TRANK1: variants seen among roughly 807,000 people sequenced by gnomAD.
The protein encoded by TRANK1 is tetratricopeptide repeat and ankyrin repeat containing 1, also known as TPR and ankyrin repeat-containing protein 1.
Under a neutral mutation model 266.0 loss-of-function variants are expected in TRANK1, and 198 were observed. The ratio of observed to expected loss-of-function variants is 0.74; its 90% CI spans 0.66 to 0.84. TRANK1 has a LOEUF of 0.84. Among genes scored for constraint, TRANK1 ranks in the 40% least tolerant of loss-of-function variants. The pLI, the probability that TRANK1 is intolerant of heterozygous loss-of-function variation, is 0.00. For missense variants in TRANK1, 3,326 were observed against 3,634.6 expected, an observed-to-expected ratio of 0.92 and a Z score of 2.18; for synonymous variants, 1,396 against 1,384.1, an observed-to-expected ratio of 1.01 and a Z score of -0.19.
chr3:36,831,837 C>A lies in TRANK1; in HGVS notation c.7746G>T (p.Lys2582Asn). The A allele has an allele frequency of 6.2e-7, 1 of 1,614,010 alleles. No individual in the cohort carries two copies. Among genetic ancestry groups the A allele is most frequent in the Non-Finnish European group, 8.5e-7 (1 of 1,179,892 alleles). The part of the protein sequence containing the change: ...NAEEILQPYC[K>N]PLLYRHFREI... ...CCCGGAAGTGGCGATACAGGAGAGG[C>A]TTGCAGTATGGCTGCAGGATCTCCT... Residue 2582 changes from lysine to asparagine, a missense_variant, in exon 22 of 24, where the codon AAG becomes AAT. By Grantham distance (94) the Lys-to-Asn change is moderately conservative. Coordinates refer to ENST00000645898, the MANE Select transcript of TRANK1 (RefSeq NM_001329998.2). This position sits in a 1 kb window ranked among gnomAD's most constrained non-coding sequence, Gnocchi z 5.0.
intron 22 of TRANK1, among the ~76,000 whole-genome samples, chr3:36,830,152 T>C (rs2078674608): frequency 1.3e-5 from 2 of 151,986 alleles, no homozygotes; most frequent in South Asian, 4.2e-4. Flanking sequence ...ACATCTTTAC[T>C]AAAAATACAA....
intron 9 of TRANK1, among the ~76,000 whole-genome samples, chr3:36,865,796 G>A (rs530097233): frequency 6.6e-6 from 1 of 152,164 alleles, no homozygotes; most frequent in Admixed American, 6.5e-5. Flanking sequence ...AGGTGTAATG[G>A]CACATGCCTG....
chr3:36,849,889 A>G lies in TRANK1; in HGVS notation c.4887+1830T>C, dbSNP rs183975175. 14 of 408,020 alleles carry G rather than the reference A, an allele frequency of 3.4e-5. No individual in the cohort carries two copies. The Admixed American group carries it at 8.3e-4, about 24-fold the overall frequency. 25.3% of individuals were successfully genotyped at this position (408,020 alleles called of 1,614,324 possible). ...TTTTCCAAAGTCTTACTGTGTACAC[A>G]GGATGAAGTGGATGTTTACAAAAGA... is the stretch of plus-strand genomic sequence containing the variant. On this transcript the variant is annotated intron_variant, in intron 15 of 23. Coordinates refer to ENST00000645898, the MANE Select transcript of TRANK1 (RefSeq NM_001329998.2).
At chr3:36,885,641 C>T (rs2079592177) in intron 8 of TRANK1, among the ~76,000 whole-genome samples, 1 of 152,210 alleles carries the variant, frequency 6.6e-6, no homozygotes, top group Non-Finnish European at 1.5e-5. Context: ...CTCAAGCCAT[C>T]CTCCCATCTC....
intron 1 of TRANK1, among the ~76,000 whole-genome samples, chr3:36,922,069 C>T (rs546664936): frequency 6.6e-6 from 1 of 152,192 alleles, no homozygotes; most frequent in Non-Finnish European, 1.5e-5. Flanking sequence ...TCACTTGAGC[C>T]CTGAAGGTCA....
rs138424530 is a variant in TRANK1 at position 36,941,339 on chromosome 3, C to G, written c.23+3448G>C. On this transcript the variant is annotated intron_variant, in intron 1 of 23. Transcript: ENST00000645898. The stretch of plus-strand genomic sequence containing the variant: ...AGTTGGCTTGGCTCCAAAAGACACA[C>G]AGGGAGTCCCACCAGCCCACCAGGC... Among the ~76,000 whole-genome samples the G allele has an allele frequency of 1.2e-3, 176 of 152,286 alleles. 1 individual carries two copies. The highest frequency in any genetic ancestry group is 3.8e-3 in the African/African-American group (160 of 41,586).
intron 1 of TRANK1, among the ~76,000 whole-genome samples, chr3:36,925,345 G>A (rs2080273133): frequency 6.6e-6 from 1 of 152,106 alleles, no homozygotes. Context: ...CTGCACCATA[G>A]GGTTAAGTAG....
At chr3:36,934,182 C>G (rs574953187) in intron 1 of TRANK1, among the ~76,000 whole-genome samples, 1 of 152,222 alleles carries the variant, frequency 6.6e-6, no homozygotes, top group Non-Finnish European at 1.5e-5. Context: ...CTGGGAGTTT[C>G]TTAACTAGAA....
chr3:36,890,870 T>A (rs923470094), intron 7 of TRANK1, among the ~76,000 whole-genome samples: 3 of 152,280 alleles, frequency 2.0e-5, no homozygotes, highest in Non-Finnish European at 4.4e-5. Context: ...TGATACCACC[T>A]ATAATCACAG....
chr3:36,893,506 G>A (rs549223334), intron 5 of TRANK1, among the ~76,000 whole-genome samples: 1 of 152,224 alleles, frequency 6.6e-6, no homozygotes, highest in African/African-American at 2.4e-5. Flanking sequence ...AGTCTTGTAT[G>A]TCATATTAGT....
At chr3:36,847,847 C>T (rs1252091888) in intron 15 of TRANK1, among the ~76,000 whole-genome samples, 1 of 152,180 alleles carries the variant, frequency 6.6e-6, no homozygotes, top group Non-Finnish European at 1.5e-5. Flanking sequence ...TCAGTTCTTC[C>T]ATTTATTAAT....
At chr3:36,891,786 T>C (rs1395841306) in intron 7 of TRANK1, among the ~76,000 whole-genome samples, 1 of 152,230 alleles carries the variant, frequency 6.6e-6, no homozygotes, top group Non-Finnish European at 1.5e-5. Flanking sequence ...CAAGGGACTA[T>C]GTTCTGTGTC....
intron 1 of TRANK1, among the ~76,000 whole-genome samples, chr3:36,931,862 T>A (rs756206809): frequency 1.3e-5 from 2 of 152,260 alleles, no homozygotes; most frequent in Middle Eastern, 6.8e-3. Context: ...TACAGTGAGC[T>A]ATGATTGCAC....
intron 13 of TRANK1, 96 bp from the exon 14 acceptor site, chr3:36,852,441 G>T (rs2078997177): frequency 2.5e-6 from 3 of 1,181,192 alleles, no homozygotes; most frequent in Admixed American, 2.8e-5. Flanking sequence ...TGAGAAGCAG[G>T]TTTGGCCCCT....
intron 9 of TRANK1, among the ~76,000 whole-genome samples, chr3:36,865,950 GAGAGAGAC>G (rs1358720927): frequency 2.0e-5 from 3 of 150,518 alleles, no homozygotes; most frequent in East Asian, 3.9e-4. Context: ...AAGAGAGAGA[GAGAGAGAC>G]AGAGAGAGAC....
intron 6 of TRANK1, 112 bp from the exon 7 acceptor site, chr3:36,892,452 C>T: frequency 1.5e-6 from 2 of 1,302,692 alleles, no homozygotes; most frequent in Non-Finnish European, 2.1e-6. Context: ...TAGCTGTGGT[C>T]CAAGCCTAGG....
chr3:36,904,074 G>C (rs1186489617), intron 2 of TRANK1, among the ~76,000 whole-genome samples: 1 of 151,882 alleles, frequency 6.6e-6, no homozygotes, highest in Non-Finnish European at 1.5e-5. Flanking sequence ...TTCTGCCTCA[G>C]CCTCCCGAGT....
chr3:36,830,077 C>T (rs1575171652), intron 22 of TRANK1, among the ~76,000 whole-genome samples: 1 of 152,150 alleles, frequency 6.6e-6, no homozygotes, highest in African/African-American at 2.4e-5. Flanking sequence ...CACCTTGGGA[C>T]ACCAAGGCAG....
At chr3:36,880,093 T>TATATAAACATGC (rs1559449985) in intron 8 of TRANK1, 3 of 116,536 alleles carry the variant, frequency 2.6e-5, no homozygotes, top group Non-Finnish European at 3.6e-5. Flanking sequence ...TAAACATATA[T>TATATAAACATGC]AAATATATAT....
Sources: gnomAD v4.1 joint callset for allele counts (sites outside exome capture counted in the v4.1 genomes callset) on GRCh38, gnomAD v4.1.1 for gene constraint, Gnocchi (gnomAD v3.1) non-coding constraint, MANE v1.5 for transcripts, NCBI Gene and HGNC (gene_info 2026-07-23, HGNC 2026-07-21) for gene names.